The following KIAA1217 variants were observed in gnomAD, a reference collection of about 807,000 sequenced individuals.
KIAA1217 encodes the protein sickle tail protein homolog.
KIAA1217 carries 88 observed loss-of-function variants against 163.9 expected under a neutral mutation model. The observed-to-expected ratio is 0.54, with a 90% CI of 0.45 to 0.64. The LOEUF is 0.64. Among genes scored for constraint, KIAA1217 ranks in the 30% least tolerant of loss-of-function variants. The pLI, the probability that KIAA1217 is intolerant of heterozygous loss-of-function variation, is 0.00. For missense variants in KIAA1217, 2,372 were observed against 2,475.0 expected (o/e 0.96, Z 0.88); for synonymous variants, 903 against 923.1 (o/e 0.98, Z 0.39).
rs544354077 is a variant in KIAA1217, at chr10:24,289,235, C to T, written c.354+69326C>T. Among the ~76,000 whole-genome samples the T allele has an allele frequency of 6.6e-5, 10 of 152,132 alleles. No individual in the cohort carries two copies. In the East Asian group the frequency reaches 9.7e-4, roughly 15 times the overall value. On this transcript the variant is annotated intron_variant, in intron 2 of 20. Transcript: ENST00000376454. ...GGAAGAGCTGGTTCAGTGGAGGGCA[C>T]GGGCACTGGGGTGGTGACTGATTGA...
chr10:23,709,039 T>G (rs1292710952), intron 1 of KIAA1217, among the ~76,000 whole-genome samples: 2 of 151,898 alleles, frequency 1.3e-5, no homozygotes, highest in Non-Finnish European at 2.9e-5. Flanking sequence ...AGTTGGGTTA[T>G]TCTAGAAGCA....
At chr10:23,771,993 T>A (rs1834815763) in intron 1 of KIAA1217, among the ~76,000 whole-genome samples, 1 of 152,242 alleles carries the variant, frequency 6.6e-6, no homozygotes, top group Admixed American at 6.5e-5. Context: ...TAAGAAAGAA[T>A]CTAAAAATAC....
intron 5 of KIAA1217, among the ~76,000 whole-genome samples, chr10:24,452,428 C>T (rs2061444573): frequency 6.6e-6 from 1 of 151,628 alleles, no homozygotes; most frequent in Non-Finnish European, 1.5e-5. Flanking sequence ...ATTTCCAGCA[C>T]TTTGGGAGGC....
chr10:23,784,601 GTT>G (rs1216230989), intron 1 of KIAA1217, among the ~76,000 whole-genome samples: 1 of 151,568 alleles, frequency 6.6e-6, no homozygotes, highest in African/African-American at 2.4e-5. Context: ...TGATTTCTTT[GTT>G]TTTATCTTTT....
chr10:24,500,397 C>CGTGTGTGT lies in KIAA1217; in HGVS notation c.1835-965_1835-958dup, dbSNP rs10667719. 2.7e-3 allele frequency among the ~76,000 whole-genome samples: 343 copies of CGTGTGTGT among 125,842 alleles called. 3 individuals carry two copies. The highest frequency in any genetic ancestry group is 5.6e-3 in the Admixed American group (69 of 12,274). The allele number at this position is 125,842 out of a possible 152,430, so 82.6% of individuals were successfully genotyped here. A position where few individuals can be genotyped will look rare whatever the true frequency, so the allele number is the denominator to read the frequency against. On this transcript the variant is annotated intron_variant, in intron 8 of 20. Transcript: ENST00000376454. Reference sequence around the variant, plus strand: ...AGCCTCTACTCCAGAAGAGTGTGTGCGTGTGTGTGTGTGTGTGTGTGTGTC... The same window carrying CGTGTGTGT: ...AGCCTCTACTCCAGAAGAGTGTGTGCGTGTGTGTGTGTGTGTGTGTGTGTGTGTGTGTC...
chr10:23,934,181 T>G (rs1843375426), intron 1 of KIAA1217, among the ~76,000 whole-genome samples: 1 of 152,116 alleles, frequency 6.6e-6, no homozygotes. Context: ...ATGTGGTACA[T>G]GTACACCGTG....
At chr10:24,495,367 G>A (rs2066662776) in intron 8 of KIAA1217, among the ~76,000 whole-genome samples, 171 bp downstream of exon 8, 1 of 152,176 alleles carries the variant, frequency 6.6e-6, no homozygotes, top group Non-Finnish European at 1.5e-5. Flanking sequence ...TTAATTCGGG[G>A]GCAAAGCACT....
intron 5 of KIAA1217, among the ~76,000 whole-genome samples, chr10:24,464,602 CAGCCTCCCAAGTA>C (rs1337414106): frequency 3.3e-5 from 5 of 152,114 alleles, no homozygotes; most frequent in African/African-American, 1.2e-4. Context: ...CCTCCCACCT[CAGCCTCCCAAGTA>C]GCTGGGAACA....
intron 1 of KIAA1217, among the ~76,000 whole-genome samples, chr10:24,218,449 A>C (rs2069122001): frequency 6.6e-6 from 1 of 151,172 alleles, no homozygotes; most frequent in Admixed American, 6.6e-5. Flanking sequence ...CTCAAGTAAA[A>C]TTTGTCTAAG....
At chr10:24,344,425 T>C (rs2047473130) in intron 2 of KIAA1217, among the ~76,000 whole-genome samples, 1 of 152,228 alleles carries the variant, frequency 6.6e-6, no homozygotes, top group African/African-American at 2.4e-5. Context: ...TAAATGTCTT[T>C]GCTTTGGCAA....
intron 1 of KIAA1217, among the ~76,000 whole-genome samples, chr10:23,985,010 G>C (rs1298332484): frequency 6.6e-6 from 1 of 151,892 alleles, no homozygotes; most frequent in Non-Finnish European, 1.5e-5. Context: ...CATTCTTTTG[G>C]GACATGGCTC....
chr10:24,208,454 C>G (rs977463662), upstream of KIAA1217, among the ~76,000 whole-genome samples: 6 of 151,322 alleles, frequency 4.0e-5, no homozygotes, highest in African/African-American at 1.5e-4. Flanking sequence ...TACGTAGAAA[C>G]TTTTTTTTAA....
At chr10:24,243,669 T>A (rs2073396724) in intron 2 of KIAA1217, among the ~76,000 whole-genome samples, 1 of 151,732 alleles carries the variant, frequency 6.6e-6, no homozygotes, top group South Asian at 2.1e-4. Context: ...TACACATCTA[T>A]GAATGTGTAG....
chr10:24,009,384 T>C (rs374671445), intron 2 of KIAA1217, among the ~76,000 whole-genome samples: 16 of 152,040 alleles, frequency 1.1e-4, no homozygotes, highest in Non-Finnish European at 2.1e-4. Flanking sequence ...GACAGGGATT[T>C]TTTTTTTTAA....
At chr10:24,398,821 T>A (rs560571946) in intron 3 of KIAA1217, among the ~76,000 whole-genome samples, 3 of 152,322 alleles carry the variant, frequency 2.0e-5, no homozygotes, top group African/African-American at 7.2e-5. Context: ...AGATCATGCT[T>A]TGCCATTTTG....
At chr10:23,803,309 C>A (rs1164198042) in intron 1 of KIAA1217, among the ~76,000 whole-genome samples, 1 of 152,222 alleles carries the variant, frequency 6.6e-6, no homozygotes, top group Non-Finnish European at 1.5e-5. Flanking sequence ...GCTGGGAATG[C>A]CCCTTCCTGA....
At chr10:24,383,855 T>C (rs1011623934) in intron 3 of KIAA1217, among the ~76,000 whole-genome samples, 22 of 152,220 alleles carry the variant, frequency 1.4e-4, no homozygotes, top group African/African-American at 5.1e-4. Context: ...CGTAATCCAG[T>C]TGAGCCTGGA....
intron 1 of KIAA1217, among the ~76,000 whole-genome samples, chr10:23,810,903 TA>T (rs1409697432): frequency 6.5e-5 from 8 of 122,500 alleles, no homozygotes; most frequent in African/African-American, 2.6e-4. Flanking sequence ...ATAGTATATA[TA>T]CTCTATATAG....
intron 1 of KIAA1217, among the ~76,000 whole-genome samples, chr10:24,001,687 A>G (rs751742321): frequency 6.6e-6 from 1 of 152,214 alleles, no homozygotes; most frequent in Non-Finnish European, 1.5e-5. Flanking sequence ...TCAAAAGAAT[A>G]GTATGAAGGC....
Sources: gnomAD v4.1 joint callset for allele counts (sites outside exome capture counted in the v4.1 genomes callset) on GRCh38, gnomAD v4.1.1 for gene constraint, MANE v1.5 for transcripts, NCBI Gene and HGNC (gene_info 2026-07-23, HGNC 2026-07-21) for gene names.